The following LMNB1 variants were observed in gnomAD, a reference collection of about 807,000 sequenced individuals.
The protein encoded by LMNB1 is lamin B1.
A neutral mutation model predicts 67.1 loss-of-function variants in LMNB1; 23 were observed. That is an observed-to-expected ratio of 0.34 (90% CI 0.25 to 0.49). The LOEUF (loss-of-function observed/expected upper bound fraction) is 0.49, where lower values mean the gene tolerates loss of function less well. LMNB1 is among the 20% of genes least tolerant of loss of function. The pLI is 0.99. For missense variants in LMNB1, 634 were observed against 746.5 expected (o/e 0.85, Z 1.76); for synonymous variants, 281 against 282.9 (o/e 0.99, Z 0.07).
At chr5:126,780,690 A>C (rs1750612532) in intron 1 of LMNB1, among the ~76,000 whole-genome samples, 1 of 152,142 alleles carries the variant, frequency 6.6e-6, no homozygotes, top group Non-Finnish European at 1.5e-5. Flanking sequence ...TATTTTTCTT[A>C]AGTCTGTGCT....
intron 1 of LMNB1, among the ~76,000 whole-genome samples, chr5:126,778,630 G>C (rs1405867245): frequency 3.9e-5 from 6 of 152,178 alleles, no homozygotes; most frequent in Non-Finnish European, 8.8e-5. Context: ...GTTCTGCGCA[G>C]GGAAGGAAAG....
At chr5:126,818,228 A>G (rs542620552) in intron 5 of LMNB1, among the ~76,000 whole-genome samples, 3 of 147,090 alleles carry the variant, frequency 2.0e-5, no homozygotes, top group Admixed American at 7.0e-5. Flanking sequence ...TTTGTCAGTC[A>G]GTGTTTATAT....
Position 126,836,729 on chromosome 5 carries a change from T to A in LMNB1, c.*465T>A, listed in dbSNP as rs901578793. On this transcript the variant is annotated 3_prime_UTR_variant, in exon 11 of 11. Coordinates refer to ENST00000261366, the MANE Select transcript of LMNB1 (RefSeq NM_005573.4). ...CAATATATTGAACTTTTGTACTGAA[T>A]TTTTTTGTAATAAGCAATCAAGGTT... 5.2e-6 allele frequency: 2 copies of A among 387,810 alleles called. No homozygotes were observed. The highest frequency in any genetic ancestry group is 9.1e-6 in the Non-Finnish European group (2 of 220,144). 24.0% of individuals were successfully genotyped at this position (387,810 alleles called of 1,614,324 possible). A position where few individuals can be genotyped will look rare whatever the true frequency, so the allele number is the denominator to read the frequency against.
intron 6 of LMNB1, among the ~76,000 whole-genome samples, chr5:126,819,559 C>A (rs1366849906): frequency 6.6e-6 from 1 of 151,692 alleles, no homozygotes; most frequent in South Asian, 2.1e-4. Flanking sequence ...GTGTGATTCT[C>A]GGCTCACTGC....
Position 126,803,105 on chromosome 5 carries a change from G to A in LMNB1, c.360-1671G>A, listed in dbSNP as rs548623019. Among the ~76,000 whole-genome samples the A allele has an allele frequency of 1.9e-3, 282 of 148,682 alleles. 5 individuals carry two copies. The Middle Eastern group carries it at 0.028, about 15-fold the overall frequency. On this transcript the variant is annotated intron_variant, in intron 1 of 10. Transcript: ENST00000261366. ...GGAGGCTGAGGCATGAGAACCACTT[G>A]AAACCAGGAGGCAGAGGTTGCAATG...
intron 1 of LMNB1, among the ~76,000 whole-genome samples, chr5:126,785,354 C>A (rs113070974): frequency 0.079 from 11,793 of 149,862 alleles, 540 homozygotes; most frequent in Non-Finnish European, 0.11. Context: ...TGCAGTGGCA[C>A]GATCTCAGCT....
In LMNB1 at chr5:126,822,723, A is replaced by G. The variant is rs570505186; in HGVS notation, c.1387-58A>G. The G allele has an allele frequency of 4.8e-5, 49 of 1,029,484 alleles. No homozygotes were observed. In the South Asian group the frequency reaches 5.0e-4, roughly 11 times the overall value. 63.8% of individuals were successfully genotyped at this position (1,029,484 alleles called of 1,614,324 possible). A position where few individuals can be genotyped will look rare whatever the true frequency, so the allele number is the denominator to read the frequency against. On this transcript the variant is annotated intron_variant, in intron 7 of 10. Transcript: ENST00000261366. ...CCTGTATGGATTAATTTATTTGATT[A>G]TTCCACAACTTTCTTTATCTTTGAA...
At chr5:126,826,926 T>G (rs1348907706) in intron 9 of LMNB1, among the ~76,000 whole-genome samples, 1 of 152,234 alleles carries the variant, frequency 6.6e-6, no homozygotes, top group Non-Finnish European at 1.5e-5. Context: ...TTCCTTTTAG[T>G]TGTAATACTG....
intron 8 of LMNB1, 141 bp downstream of exon 8, chr5:126,823,026 T>G (rs1031788116): frequency 1.6e-6 from 1 of 626,746 alleles, no homozygotes; most frequent in Non-Finnish European, 2.8e-6. Flanking sequence ...TTACAAGTGC[T>G]ATAAAAGATT....
At chr5:126,789,693 A>G (rs989045685) in intron 1 of LMNB1, among the ~76,000 whole-genome samples, 18 of 151,468 alleles carry the variant, frequency 1.2e-4, no homozygotes, top group Admixed American at 1.1e-3. Flanking sequence ...TTTTTTTTTG[A>G]GGACGAGACT....
intron 1 of LMNB1, among the ~76,000 whole-genome samples, chr5:126,782,374 A>G (rs1226655561): frequency 6.6e-6 from 1 of 152,222 alleles, no homozygotes; most frequent in Non-Finnish European, 1.5e-5. Flanking sequence ...TAGGGTAGAT[A>G]GAGTTAGCAC....
intron 1 of LMNB1, among the ~76,000 whole-genome samples, chr5:126,792,802 C>G (rs1272154642): frequency 6.6e-6 from 1 of 151,844 alleles, no homozygotes; most frequent in Non-Finnish European, 1.5e-5. Flanking sequence ...TCTCAAACTC[C>G]CGACCTCAGG....
Position 126,777,631 on chromosome 5 carries a change from C to T in LMNB1, c.123C>T (p.Asp41=), listed in dbSNP as rs576708983. ...AGGAGGAGCTGCGCGAGCTCAATGA[C>T]CGGCTGGCGGTGTACATCGACAAGG... is the stretch of plus-strand genomic sequence containing the variant. ...QEKEELRELN[D]RLAVYIDKVR... is the part of the protein sequence containing the mutation. The change falls in exon 1 of 11, where the codon GAC becomes GAT. Residue 41 remains aspartate (D), a synonymous_variant. Coordinates refer to ENST00000261366, the MANE Select transcript of LMNB1 (RefSeq NM_005573.4). 125 of 1,542,206 alleles carry T rather than the reference C, an allele frequency of 8.1e-5. No individual in the cohort carries two copies. In the Admixed American group the frequency reaches 1.4e-3, roughly 17 times the overall value.
chr5:126,801,286 A>G (rs1256780225), intron 1 of LMNB1, among the ~76,000 whole-genome samples: 1 of 152,084 alleles, frequency 6.6e-6, no homozygotes, highest in African/African-American at 2.4e-5. Flanking sequence ...TTATATTTTC[A>G]TAGAACAGTG....
intron 1 of LMNB1, among the ~76,000 whole-genome samples, chr5:126,785,731 A>G (rs1324230131): frequency 1.0e-5 from 1 of 96,108 alleles, no homozygotes; most frequent in Middle Eastern, 5.0e-3. Context: ...CCCAACCCTT[A>G]GGTTGGGACC....
intron 1 of LMNB1, among the ~76,000 whole-genome samples, chr5:126,802,355 ACT>A (rs1751305638): frequency 6.6e-6 from 1 of 152,050 alleles, no homozygotes; most frequent in Non-Finnish European, 1.5e-5. Flanking sequence ...AAGTAAAAGT[ACT>A]CTTTTACTTT....
rs769551613 is a variant in LMNB1 at position 126,777,722 on chromosome 5, G to A, written c.214G>A (p.Gly72Ser). ...GGTGACGGAGCGCGAGGAGGTGCGC[G>A]GCCGTGAGCTCACCGGCCTCAAGGC... Reference protein sequence around the residue: ...LQVTEREEVRGRELTGLKALY... With the variant: ...LQVTEREEVRSRELTGLKALY... The change falls in exon 1 of 11, where the codon GGC becomes AGC. Residue 72 changes from glycine (G) to serine (S), a missense_variant. Physicochemically the swap from Gly to Ser is moderately conservative, Grantham distance 56. Transcript: ENST00000261366. The A allele has an allele frequency of 6.5e-6, 10 of 1,542,088 alleles. No homozygotes were observed. In the African/African-American group the frequency reaches 1.3e-4, roughly 19 times the overall value.
At chr5:126,804,747 A>G (rs993340079) in intron 1 of LMNB1, 29 bp from the exon 2 acceptor site, 1 of 1,605,256 alleles carries the variant, frequency 6.2e-7, no homozygotes, top group African/African-American at 1.3e-5. Context: ...GTATGGTTTG[A>G]TGTCTTATGC....
At chr5:126,818,568 A>G (rs1751782782) in intron 5 of LMNB1, among the ~76,000 whole-genome samples, 1 of 152,196 alleles carries the variant, frequency 6.6e-6, no homozygotes, top group Non-Finnish European at 1.5e-5. Context: ...TAAGTTCTTT[A>G]TTTAATTTAT....
Sources: allele counts gnomAD v4.1 joint callset (sites outside exome capture counted in the v4.1 genomes callset), GRCh38; gene constraint gnomAD v4.1.1; transcripts MANE v1.5; gene names NCBI Gene and HGNC (gene_info 2026-07-23, HGNC 2026-07-21).